FBXL16: variants seen among roughly 807,000 people sequenced by gnomAD.
The protein encoded by FBXL16 is F-box/LRR-repeat protein 16.
Under a neutral mutation model 36.7 loss-of-function variants are expected in FBXL16, and 7 were observed. The ratio of observed to expected loss-of-function variants is 0.19; its 90% CI spans 0.11 to 0.36. FBXL16 has a LOEUF of 0.36. Ranked by LOEUF, FBXL16 falls within the 10% of genes least tolerant of loss-of-function variation. The pLI is 1.00. For missense variants in FBXL16, 463 were observed against 659.4 expected, an observed-to-expected ratio of 0.70 and a Z score of 3.26; for synonymous variants, 355 against 308.7, an observed-to-expected ratio of 1.15 and a Z score of -1.57.
At position 696,017 on chromosome 16, in the gene FBXL16, C is replaced by T. The variant is rs1043899283; in HGVS notation, c.634-94G>A. 1.5e-5 allele frequency: 22 copies of T among 1,452,308 alleles called. No homozygotes were observed. In the East Asian group the frequency reaches 5.1e-4, roughly 34 times the overall value. 90.0% of individuals were successfully genotyped at this position (1,452,308 alleles called of 1,614,324 possible). A position where few individuals can be genotyped will look rare whatever the true frequency, so the allele number is the denominator to read the frequency against. On this transcript the variant is annotated intron_variant, in intron 2 of 5. Transcript: ENST00000397621. ...GGGTGTAAACATGCAGGGAGCTGAA[C>T]CCTGAAAACATTTGGCAGTGTGTGA...
Position 697,408 on chromosome 16 carries a change from T to G in FBXL16, c.-3A>C. 6.5e-7 allele frequency: 1 copy of G among 1,532,078 alleles called. No homozygotes were observed. The highest frequency in any genetic ancestry group is 8.7e-7 in the Non-Finnish European group (1 of 1,145,050). 94.9% of individuals were successfully genotyped at this position (1,532,078 alleles called of 1,614,324 possible). ...CCGTCGATGCCCGGGCTCGACATCT[T>G]CCTGGCACGCTCTGTGGATGAGGGC... On this transcript the variant is annotated 5_prime_UTR_variant, in exon 2 of 6. Coordinates refer to ENST00000397621, the MANE Select transcript of FBXL16 (RefSeq NM_153350.4). This position sits in a 1 kb window ranked among gnomAD's most constrained non-coding sequence, Gnocchi z 4.6.
chr16:698,944 AGAAAAAGAAAAAAAG>A (rs2040036571), intron 1 of FBXL16, among the ~76,000 whole-genome samples: 6 of 137,816 alleles, frequency 4.4e-5, no homozygotes, highest in African/African-American at 1.5e-4. Flanking sequence ...AAAGAAAGAA[AGAAAAAGAAAAAAAG>A]AAAAGAAAAA....
rs1404290547 is a variant in FBXL16, at chr16:696,744, G to A, written c.633+29C>T. 9 of 1,309,204 alleles carry A rather than the reference G, an allele frequency of 6.9e-6. No individual in the cohort carries two copies. The East Asian group carries it at 2.0e-4, about 29-fold the overall frequency. 81.1% of individuals were successfully genotyped at this position (1,309,204 alleles called of 1,614,324 possible). ...TGCTGCTGCCCGCCCCTGCCCCCCAGCCCTGTCCCCCCCGAGCCTGGTGCA... is the reference window on the plus strand; with the variant it reads ...TGCTGCTGCCCGCCCCTGCCCCCCAACCCTGTCCCCCCCGAGCCTGGTGCA... On this transcript the variant is annotated intron_variant, in intron 2 of 5. Transcript: ENST00000397621.
At chr16:703,447 C>G (rs890821897) in intron 1 of FBXL16, among the ~76,000 whole-genome samples, 1 of 152,232 alleles carries the variant, frequency 6.6e-6, no homozygotes, top group Non-Finnish European at 1.5e-5. Flanking sequence ...TGAGCCCTGC[C>G]TGCAGAGGGC....
intron 3 of FBXL16, 61 bp downstream of exon 3, chr16:695,354 G>C (rs1000827165): frequency 1.8e-6 from 2 of 1,120,576 alleles, no homozygotes; most frequent in African/African-American, 1.8e-5. Context: ...GCCCCGCCCC[G>C]CCCCGCCCCG....
At chr16:699,409 G>A (rs1221887260) in intron 1 of FBXL16, among the ~76,000 whole-genome samples, 1 of 152,138 alleles carries the variant, frequency 6.6e-6, no homozygotes, top group African/African-American at 2.4e-5. Context: ...CCCCCACCCC[G>A]ACATCCGGGG....
In FBXL16 at chr16:695,359, G is replaced by A. The variant is rs181473745; in HGVS notation, c.1142+56C>T. On this transcript the variant is annotated intron_variant, in intron 3 of 5. Transcript: ENST00000397621. The stretch of plus-strand genomic sequence containing the variant: ...GCCCCGTGCAGCCCCGCCCCGCCCC[G>A]CCCCGTGCAGCCCCGCCCGGCCCAG... 1,776 of 1,158,386 alleles carry A rather than the reference G, an allele frequency of 1.5e-3. 28 individuals are homozygous for A. The African/African-American group carries it at 0.028, about 19-fold the overall frequency. The allele number at this position is 1,158,386 out of a possible 1,614,324, so 71.8% of individuals were successfully genotyped here. A position where few individuals can be genotyped will look rare whatever the true frequency, so the allele number is the denominator to read the frequency against.
intron 3 of FBXL16, 73 bp from the exon 4 acceptor site, chr16:695,149 G>T: frequency 6.8e-7 from 1 of 1,472,038 alleles, no homozygotes; most frequent in Non-Finnish European, 9.3e-7. Context: ...TCCTGGGAGT[G>T]CCCCTGGCGT....
intron 1 of FBXL16, among the ~76,000 whole-genome samples, chr16:702,148 C>G (rs2040061880): frequency 6.6e-6 from 1 of 152,182 alleles, no homozygotes; most frequent in Non-Finnish European, 1.5e-5. Flanking sequence ...GGAGCTGCCT[C>G]TTCTGCGAAT....
intron 4 of FBXL16, 75 bp downstream of exon 4, chr16:694,917 G>A: frequency 7.0e-7 from 1 of 1,424,772 alleles, no homozygotes; most frequent in Non-Finnish European, 9.4e-7. Context: ...CCCAGGATCT[G>A]AGTGGGGCCG....
Position 697,373 on chromosome 16 carries a change from C to T in FBXL16, c.33G>A (p.Lys11=). 4 of 1,536,950 alleles carry T rather than the reference C, an allele frequency of 2.6e-6. No homozygotes were observed. Among genetic ancestry groups the T allele is most frequent in the Non-Finnish European group, 3.5e-6 (4 of 1,147,740 alleles). The stretch of plus-strand genomic sequence containing the variant: ...GACCGTTTCGAGGCAAGCATGGAGG[C>T]TTGGGGTCGCCGTCGATGCCCGGGC... The part of the protein sequence containing the change: MSSPGIDGDP[K]PPCLPRNGLV... Residue 11 remains lysine (K), a synonymous_variant, in exon 2 of 6, where the codon AAG becomes AAA. Coordinates refer to ENST00000397621, the MANE Select transcript of FBXL16 (RefSeq NM_153350.4). This position sits in a 1 kb window ranked among gnomAD's most constrained non-coding sequence, Gnocchi z 4.6.
At chr16:702,681 C>A (rs551625543) in intron 1 of FBXL16, among the ~76,000 whole-genome samples, 31 of 152,308 alleles carry the variant, frequency 2.0e-4, no homozygotes, top group Middle Eastern at 3.4e-3. Context: ...TAACCCGGAT[C>A]GTGCCATGGC....
intron 2 of FBXL16, 43 bp downstream of exon 2, chr16:696,730 G>GC: frequency 2.7e-5 from 38 of 1,432,120 alleles, no homozygotes; most frequent in South Asian, 4.7e-5. Flanking sequence ...GCTGCTGCCC[G>GC]CCCCTGCCCC....
rs980265827 is a variant in FBXL16 at position 697,346 on chromosome 16, C to T, written c.60G>A (p.Leu20=). ...PKPPCLPRNG[L]VKLPGQPNGL... ...CGTTGGGCTGGCCCGGCAGCTTCAC[C>T]AGACCGTTTCGAGGCAAGCATGGAG... Residue 20 remains leucine (L), a synonymous_variant, in exon 2 of 6, where the codon CTG becomes CTA. Coordinates refer to ENST00000397621, the MANE Select transcript of FBXL16 (RefSeq NM_153350.4). This position sits in a 1 kb window ranked among gnomAD's most constrained non-coding sequence, Gnocchi z 4.6. 14 of 1,536,262 alleles carry T rather than the reference C, an allele frequency of 9.1e-6. No individual in the cohort carries two copies. In the African/African-American group the frequency reaches 1.6e-4, roughly 18 times the overall value.
Position 696,047 on chromosome 16 carries a change from G to A in FBXL16, c.634-124C>T, listed in dbSNP as rs1239154571. ...AAAACATTTGGCAGTGTGTGAGGAGGCGGGGCATCGGGACGAGAGCCCAGG... is the reference window on the plus strand; with the variant it reads ...AAAACATTTGGCAGTGTGTGAGGAGACGGGGCATCGGGACGAGAGCCCAGG... On this transcript the variant is annotated intron_variant, in intron 2 of 5. Coordinates refer to ENST00000397621, the MANE Select transcript of FBXL16 (RefSeq NM_153350.4). 2.0e-5 allele frequency: 27 copies of A among 1,372,516 alleles called. No homozygotes were observed. The African/African-American group carries it at 3.4e-4, about 17-fold the overall frequency. 85.0% of individuals were successfully genotyped at this position (1,372,516 alleles called of 1,614,324 possible). A position where few individuals can be genotyped will look rare whatever the true frequency, so the allele number is the denominator to read the frequency against.
Position 694,780 on chromosome 16 carries a change from G to A in FBXL16, c.1228-83C>T. On this transcript the variant is annotated intron_variant, in intron 4 of 5. Coordinates refer to ENST00000397621, the MANE Select transcript of FBXL16 (RefSeq NM_153350.4). The stretch of plus-strand genomic sequence containing the variant: ...CCTGGGGTCCATGGAGGGCTAGGCG[G>A]GTTCAAGCCCGGGGTTCCTCCGTCC... The A allele has an allele frequency of 2.8e-6, 4 of 1,445,392 alleles. No homozygotes were observed. In the South Asian group the frequency reaches 3.7e-5, roughly 13 times the overall value. The allele number at this position is 1,445,392 out of a possible 1,614,324, so 89.5% of individuals were successfully genotyped here. A position where few individuals can be genotyped will look rare whatever the true frequency, so the allele number is the denominator to read the frequency against.
chr16:693,303 G>A lies in FBXL16; in HGVS notation c.*972C>T, dbSNP rs2039984896. On this transcript the variant is annotated 3_prime_UTR_variant, in exon 6 of 6. Transcript: ENST00000397621. ...GACCCTTGGCTGGGTCCACTCTGCA[G>A]ACTCCACCTGAGGAGACCCACCCAG... 1 of 152,438 alleles carries A rather than the reference G, an allele frequency of 6.6e-6. No individual in the cohort carries two copies. The highest frequency in any genetic ancestry group is 2.4e-5 in the African/African-American group (1 of 41,446). 9.4% of individuals were successfully genotyped at this position (152,438 alleles called of 1,614,324 possible).
intron 1 of FBXL16, among the ~76,000 whole-genome samples, chr16:698,522 C>T (rs2040031870): frequency 6.6e-6 from 1 of 152,228 alleles, no homozygotes; most frequent in Non-Finnish European, 1.5e-5. Flanking sequence ...GGGGTGGCCT[C>T]TGGCCCCTCC....
In FBXL16 at chr16:694,470, G is replaced by A. The variant is rs201836897; in HGVS notation, c.1292-47C>T. The A allele has an allele frequency of 3.1e-3, 4,653 of 1,508,984 alleles. 310 individuals carry two copies. The Admixed American group carries it at 0.097, about 32-fold the overall frequency. The allele number at this position is 1,508,984 out of a possible 1,614,324, so 93.5% of individuals were successfully genotyped here. On this transcript the variant is annotated intron_variant, in intron 5 of 5. Coordinates refer to ENST00000397621, the MANE Select transcript of FBXL16 (RefSeq NM_153350.4). ...GCTCAGTGCGCGCGGCCCAGGGCTCGGGCGGGGACGGCCGGGCCGCGCCTC... is the reference window on the plus strand; with the variant it reads ...GCTCAGTGCGCGCGGCCCAGGGCTCAGGCGGGGACGGCCGGGCCGCGCCTC...
Sources: gnomAD v4.1 joint callset for allele counts (sites outside exome capture counted in the v4.1 genomes callset) on GRCh38, gnomAD v4.1.1 for gene constraint, Gnocchi (gnomAD v3.1) non-coding constraint, MANE v1.5 for transcripts, NCBI Gene and HGNC (gene_info 2026-07-23, HGNC 2026-07-21) for gene names.